Variants in MGA observed in about 807,000 individuals in gnomAD.
The protein encoded by MGA is MAX gene-associated protein.
A neutral mutation model predicts 261.1 loss-of-function variants in MGA; 40 were observed. The ratio of observed to expected loss-of-function variants is 0.15; its 90% CI spans 0.12 to 0.20. The LOEUF (loss-of-function observed/expected upper bound fraction) is 0.20, where lower values mean the gene tolerates loss of function less well. Ranked by LOEUF, MGA falls within the 10% of genes least tolerant of loss-of-function variation. The pLI, the probability that MGA is intolerant of heterozygous loss-of-function variation, is 1.00. For synonymous variants in MGA, 1,302 were observed against 1,290.6 expected (o/e 1.01, Z -0.19); for missense variants, 3,397 against 3,630.5 (o/e 0.94, Z 1.65).
intron 11 of MGA, among the ~76,000 whole-genome samples, chr15:41,732,091 C>T (rs2061536579): frequency 6.6e-6 from 1 of 151,652 alleles, no homozygotes; most frequent in Non-Finnish European, 1.5e-5. Flanking sequence ...TACTTGACCC[C>T]AAAGGTGTCT....
At chr15:41,702,301 C>CTG (rs2059895761) in intron 5 of MGA, among the ~76,000 whole-genome samples, 1 of 142,962 alleles carries the variant, frequency 7.0e-6, no homozygotes, top group Non-Finnish European at 1.5e-5. Context: ...CCAGCCTGGG[C>CTG]GACACAGTGA....
chr15:41,713,188 G>T lies in MGA; in HGVS notation c.3122G>T (p.Arg1041Met). 6.2e-7 allele frequency: 1 copy of T among 1,613,778 alleles called. No homozygotes were observed. Among genetic ancestry groups the T allele is most frequent in the Non-Finnish European group, 8.5e-7 (1 of 1,179,882 alleles). The change falls in exon 9 of 24, where the codon AGG becomes ATG. Residue 1041 changes from arginine (R) to methionine (M), a missense_variant. Arg to Met is a moderately conservative substitution (Grantham distance 91). Around this residue, in one of 9 missense-constraint regions of MGA, gnomAD observed 519 missense variants for 554.1 expected, o/e 0.94. Transcript: ENST00000219905. ...ACTAAACCTATCCACACAATCATAAGGAAACGAGCCCCTCCCTGCAACAAT... is the reference window on the plus strand; with the variant it reads ...ACTAAACCTATCCACACAATCATAATGAAACGAGCCCCTCCCTGCAACAAT...
intron 15 of MGA, among the ~76,000 whole-genome samples, chr15:41,744,288 C>G (rs1478893805): frequency 6.6e-6 from 1 of 152,162 alleles, no homozygotes; most frequent in Non-Finnish European, 1.5e-5. Flanking sequence ...ACTGCAACCT[C>G]TGCCTCCTGG....
At chr15:41,640,927 C>T (rs1464573826) in intron 1 of MGA, among the ~76,000 whole-genome samples, 1 of 152,146 alleles carries the variant, frequency 6.6e-6, no homozygotes, top group African/African-American at 2.4e-5. Context: ...CATCCATCAC[C>T]ACAATTTTAG....
At chr15:41,639,951 C>T (rs2056788028) in intron 1 of MGA, among the ~76,000 whole-genome samples, 1 of 152,148 alleles carries the variant, frequency 6.6e-6, no homozygotes, top group Admixed American at 6.5e-5. Flanking sequence ...TGAGAGATGA[C>T]TCTGAGTGTG....
At chr15:41,709,388 T>C (rs2060272421) in intron 7 of MGA, among the ~76,000 whole-genome samples, 2 of 152,062 alleles carry the variant, frequency 1.3e-5, no homozygotes, top group African/African-American at 2.4e-5. Flanking sequence ...TACACGCCTC[T>C]TCTTGTGGTC....
chr15:41,738,080 G>A (rs145273722), intron 13 of MGA, among the ~76,000 whole-genome samples: 1 of 152,186 alleles, frequency 6.6e-6, no homozygotes, highest in East Asian at 1.9e-4. Flanking sequence ...CTGCTTCTAA[G>A]TCACTAAGGA....
In MGA at chr15:41,678,383, G is replaced by A. The variant is rs984458874; in HGVS notation, c.1064+8425G>A. ...TGGGATTACAGGCATGAGCCACCACGCCGGAGTGTTTTTATTAGTGGTGTA... is the reference window on the plus strand; with the variant it reads ...TGGGATTACAGGCATGAGCCACCACACCGGAGTGTTTTTATTAGTGGTGTA... On this transcript the variant is annotated intron_variant, in intron 2 of 23. Transcript: ENST00000219905. 4.1e-5 allele frequency among the ~76,000 whole-genome samples: 6 copies of A among 147,840 alleles called. No homozygotes were observed. The East Asian group carries it at 8.8e-4, about 22-fold the overall frequency.
At position 41,669,142 on chromosome 15, in the gene MGA, G is replaced by A. The variant is rs1456957813; in HGVS notation, c.248G>A (p.Ser83Asn). 1.2e-6 allele frequency: 2 copies of A among 1,613,724 alleles called. No individual in the cohort carries two copies. Among genetic ancestry groups the A allele is most frequent in the African/African-American group, 1.3e-5 (1 of 74,928 alleles). Residue 83 changes from serine (S) to asparagine (N), a missense_variant, in exon 2 of 24, where the codon AGT (serine) becomes AAT (asparagine). Ser to Asn is a conservative substitution (Grantham distance 46). This residue lies in a region of MGA where 104 missense variants were observed against 212.9 expected (regional missense o/e 0.49). Coordinates refer to ENST00000219905, the MANE Select transcript of MGA (RefSeq NM_001164273.2). ...ATCACTGTTACCCTCGATAACAATA[G>A]TATGTGGAATGAGTTCTATCATCGA...
At chr15:41,702,375 T>A (rs760420217) in intron 5 of MGA, among the ~76,000 whole-genome samples, 2 of 151,930 alleles carry the variant, frequency 1.3e-5, no homozygotes, top group Non-Finnish European at 2.9e-5. Flanking sequence ...TAAGTTAATT[T>A]GGCTAAATAT....
chr15:41,624,245 T>G (rs952155409), intron 1 of MGA, among the ~76,000 whole-genome samples: 7 of 151,246 alleles, frequency 4.6e-5, no homozygotes, highest in African/African-American at 1.7e-4. Flanking sequence ...TTGTATTTTT[T>G]TTTTTTTAAT....
intron 19 of MGA, among the ~76,000 whole-genome samples, chr15:41,758,252 A>T (rs556020655): frequency 6.6e-6 from 1 of 152,234 alleles, no homozygotes; most frequent in South Asian, 2.1e-4. Context: ...TAATTTTCTT[A>T]ATCTTTTTGG....
intron 20 of MGA, among the ~76,000 whole-genome samples, chr15:41,760,800 G>A (rs567886356): frequency 6.6e-6 from 1 of 151,902 alleles, no homozygotes; most frequent in African/African-American, 2.4e-5. Context: ...ACAATGGCAC[G>A]ATCTTGGCTC....
chr15:41,758,954 A>G (rs2063298284), intron 19 of MGA, among the ~76,000 whole-genome samples: 1 of 152,186 alleles, frequency 6.6e-6, no homozygotes, highest in Non-Finnish European at 1.5e-5. Flanking sequence ...TGCTTTTTTA[A>G]CGTTTATAAC....
chr15:41,723,325 T>TG (rs1194730580), intron 9 of MGA, among the ~76,000 whole-genome samples: 1 of 152,196 alleles, frequency 6.6e-6, no homozygotes, highest in African/African-American at 2.4e-5. Context: ...ATTTTGTTCT[T>TG]GCCTTTGTAG....
upstream of MGA, among the ~76,000 whole-genome samples, chr15:41,658,179 A>C (rs1476958692): frequency 6.6e-6 from 1 of 152,182 alleles, no homozygotes; most frequent in Non-Finnish European, 1.5e-5. Flanking sequence ...TATTCAGAAA[A>C]ATCTACTTGA....
chr15:41,661,067 G>A (rs2057370288), intron 1 of MGA, among the ~76,000 whole-genome samples: 2 of 152,172 alleles, frequency 1.3e-5, no homozygotes, highest in African/African-American at 4.8e-5. Flanking sequence ...AGTAATTTCC[G>A]GCCAAATTGT....
At chr15:41,727,767 A>G (rs2061326184) in intron 10 of MGA, among the ~76,000 whole-genome samples, 1 of 151,118 alleles carries the variant, frequency 6.6e-6, no homozygotes, top group South Asian at 2.2e-4. Flanking sequence ...AAAAGCTTTT[A>G]AAAGCTTTTA....
intron 2 of MGA, among the ~76,000 whole-genome samples, chr15:41,681,398 TG>T (rs1165638434): frequency 7.5e-6 from 1 of 133,984 alleles, no homozygotes; most frequent in African/African-American, 2.6e-5. Flanking sequence ...TAGTATACTC[TG>T]TTTTTTTTTT....
Sources: gnomAD v4.1 joint callset for allele counts (sites outside exome capture counted in the v4.1 genomes callset) on GRCh38, gnomAD v4.1.1 for gene constraint, gnomAD v4.1.1 regional missense constraint, MANE v1.5 for transcripts, NCBI Gene and HGNC (gene_info 2026-07-23, HGNC 2026-07-21) for gene names.